The following ZNF804B variants were observed in gnomAD, a reference collection of about 807,000 sequenced individuals.
ZNF804B encodes zinc finger 804B.
In ZNF804B, 80 loss-of-function variants were observed where a neutral mutation model predicts 101.4. The ratio of observed to expected loss-of-function variants is 0.79; its 90% CI spans 0.66 to 0.95. ZNF804B has a LOEUF of 0.95. Among genes scored for constraint, ZNF804B ranks in the 40% least tolerant of loss-of-function variants. ZNF804B has a pLI of 0.00. For missense variants in ZNF804B, 1,673 were observed against 1,561.9 expected, an observed-to-expected ratio of 1.07 and a Z score of -1.20; for synonymous variants, 622 against 558.8, an observed-to-expected ratio of 1.11 and a Z score of -1.59.
At chr7:89,105,895 A>G (rs1790129164) in intron 1 of ZNF804B, among the ~76,000 whole-genome samples, 2 of 152,094 alleles carry the variant, frequency 1.3e-5, no homozygotes, top group South Asian at 4.1e-4. Flanking sequence ...AGTGGTTCAC[A>G]GAACTCAGGG....
chr7:88,949,260 A>G (rs1467094869), intron 1 of ZNF804B, among the ~76,000 whole-genome samples: 1 of 151,694 alleles, frequency 6.6e-6, no homozygotes, highest in Non-Finnish European at 1.5e-5. Flanking sequence ...CTTGATAATT[A>G]TTTGCTATGG....
rs10230871 is a variant in ZNF804B, at chr7:89,158,436, A to G, written c.109-59719A>G. ...TAGCTTCATCTCTGAAATACTTCTC[A>G]GATCATTTTCTCTTTTCCGGTCTCA... On this transcript the variant is annotated intron_variant, in intron 1 of 3. Coordinates refer to ENST00000333190, the MANE Select transcript of ZNF804B (RefSeq NM_181646.5). Among the ~76,000 whole-genome samples, 732 of 152,142 alleles carry G rather than the reference A, an allele frequency of 4.8e-3. 7 individuals are homozygous for G. Among genetic ancestry groups the G allele is most frequent in the African/African-American group, 0.017 (701 of 41,506 alleles).
intron 1 of ZNF804B, among the ~76,000 whole-genome samples, chr7:88,800,110 A>T (rs918033336): frequency 6.6e-6 from 1 of 152,130 alleles, no homozygotes; most frequent in African/African-American, 2.4e-5. Flanking sequence ...GCCAAAGAGA[A>T]CTAATCATCT....
At chr7:89,057,640 G>C (rs1227734658) in intron 1 of ZNF804B, among the ~76,000 whole-genome samples, 1 of 152,092 alleles carries the variant, frequency 6.6e-6, no homozygotes, top group Non-Finnish European at 1.5e-5. Flanking sequence ...TTCAGTGGGG[G>C]TGTGAGGGAT....
chr7:88,999,637 GT>G (rs1270053249), intron 1 of ZNF804B, among the ~76,000 whole-genome samples: 61 of 152,030 alleles, frequency 4.0e-4, no homozygotes, highest in African/African-American at 1.3e-3. Context: ...AAAATAAATA[GT>G]AATTTGAAAT....
At chr7:88,809,097 G>C (rs1012371664) in intron 1 of ZNF804B, among the ~76,000 whole-genome samples, 3 of 152,140 alleles carry the variant, frequency 2.0e-5, no homozygotes, top group African/African-American at 7.2e-5. Flanking sequence ...TTTGTATTAA[G>C]AGGAGGTGTA....
chr7:88,957,241 T>C (rs1003311831), intron 1 of ZNF804B, among the ~76,000 whole-genome samples: 2 of 151,496 alleles, frequency 1.3e-5, no homozygotes, highest in African/African-American at 4.8e-5. Context: ...GAGAACATAC[T>C]CACAGCTTGT....
chr7:88,991,643 C>A (rs1230929971), intron 1 of ZNF804B, among the ~76,000 whole-genome samples: 1 of 152,172 alleles, frequency 6.6e-6, no homozygotes, highest in Non-Finnish European at 1.5e-5. Context: ...GGTAGCCCTC[C>A]TCTGCTGGAG....
chr7:89,112,299 G>A (rs1280123087), intron 1 of ZNF804B, among the ~76,000 whole-genome samples: 2 of 152,054 alleles, frequency 1.3e-5, no homozygotes, highest in Non-Finnish European at 2.9e-5. Context: ...TTTGTGAAAG[G>A]CATAAAGGTC....
At chr7:89,271,910 G>T (rs1789903801) in intron 2 of ZNF804B, among the ~76,000 whole-genome samples, 1 of 152,094 alleles carries the variant, frequency 6.6e-6, no homozygotes, top group East Asian at 1.9e-4. Flanking sequence ...GGGATCGGTG[G>T]TGATATCCCC....
chr7:89,103,553 T>C (rs1164020005), intron 1 of ZNF804B, among the ~76,000 whole-genome samples: 1 of 151,942 alleles, frequency 6.6e-6, no homozygotes, highest in East Asian at 1.9e-4. Context: ...GCTATTGGTG[T>C]ACAGAAGTGC....
At chr7:89,012,557 G>A (rs1788481479) in intron 1 of ZNF804B, among the ~76,000 whole-genome samples, 1 of 152,138 alleles carries the variant, frequency 6.6e-6, no homozygotes, top group Non-Finnish European at 1.5e-5. Flanking sequence ...TTTTGCTAAA[G>A]CATAACAAGG....
rs1446527061 is a variant in ZNF804B at position 88,797,451 on chromosome 7, A to G, written c.108+37367A>G. 2.0e-5 allele frequency among the ~76,000 whole-genome samples: 3 copies of G among 152,176 alleles called. No homozygotes were observed. In the East Asian group the frequency reaches 5.8e-4, roughly 29 times the overall value. On this transcript the variant is annotated intron_variant, in intron 1 of 3. Transcript: ENST00000333190. ...AGTCCTCCCTGCTTTCTTTCCCTCC[A>G]TAGAATGCTGGGAGGCAAAGCCTCT...
Position 89,333,666 on chromosome 7 carries a change from C to G in ZNF804B, c.684C>G (p.His228Gln), listed in dbSNP as rs1177730126. Residue 228 changes from histidine (H) to glutamine (Q), a missense_variant, in exon 4 of 4, where the codon CAC becomes CAG. His to Gln is a conservative substitution (Grantham distance 24). Coordinates refer to ENST00000333190, the MANE Select transcript of ZNF804B (RefSeq NM_181646.5). ...CATTTACTTTTTCCAAAAAAGTGCA[C>G]CTAAAATTAGAATCTTCAGCATCAG... is the stretch of plus-strand genomic sequence containing the variant. ...GVSFTFSKKVHLKLESSASVF... is the reference protein window; with the variant it reads ...GVSFTFSKKVQLKLESSASVF... The G allele has an allele frequency of 6.2e-7, 1 of 1,613,432 alleles. No individual in the cohort carries two copies. The highest frequency in any genetic ancestry group is 2.2e-5 in the East Asian group (1 of 44,844).
intron 1 of ZNF804B, among the ~76,000 whole-genome samples, chr7:88,776,555 GTTTTGTTT>G (rs936532035): frequency 3.8e-5 from 4 of 106,456 alleles, no homozygotes; most frequent in Non-Finnish European, 6.1e-5. Context: ...TTCTCGTGGT[GTTTTGTTT>G]TTTTTTTTTT....
At chr7:89,193,166 A>C (rs1032715799) in intron 1 of ZNF804B, among the ~76,000 whole-genome samples, 5 of 152,068 alleles carry the variant, frequency 3.3e-5, no homozygotes, top group African/African-American at 1.2e-4. Flanking sequence ...GGCAAGAGAA[A>C]GAAATAAAGG....
intron 2 of ZNF804B, among the ~76,000 whole-genome samples, chr7:89,258,827 G>A (rs1789672275): frequency 6.6e-6 from 1 of 152,074 alleles, no homozygotes; most frequent in Non-Finnish European, 1.5e-5. Flanking sequence ...AAGTCAAATT[G>A]GATCATTATA....
At chr7:89,072,279 T>G (rs1488538907) in intron 1 of ZNF804B, among the ~76,000 whole-genome samples, 1 of 152,184 alleles carries the variant, frequency 6.6e-6, no homozygotes, top group East Asian at 1.9e-4. Context: ...CATTTCTTTC[T>G]CATGGTTAGA....
chr7:89,205,387 C>T (rs531352548), intron 1 of ZNF804B, among the ~76,000 whole-genome samples: 1 of 152,188 alleles, frequency 6.6e-6, no homozygotes, highest in African/African-American at 2.4e-5. Flanking sequence ...AATCCAAAGT[C>T]TCATCTGAGA....
Sources: gnomAD v4.1 joint callset for allele counts (sites outside exome capture counted in the v4.1 genomes callset) on GRCh38, gnomAD v4.1.1 for gene constraint, MANE v1.5 for transcripts, NCBI Gene and HGNC (gene_info 2026-07-23, HGNC 2026-07-21) for gene names.